The following HDAC9 variants were observed in gnomAD, a reference collection of about 807,000 sequenced individuals.
HDAC9 encodes the protein histone deacetylase 9, also known as MEF-2 interacting transcription repressor (MITR) protein.
Under a neutral mutation model 139.4 loss-of-function variants are expected in HDAC9, and 41 were observed. The observed-to-expected ratio is 0.29, with a 90% CI of 0.23 to 0.38. HDAC9 has a LOEUF of 0.38. Among genes scored for constraint, HDAC9 ranks in the 10% least tolerant of loss-of-function variants. The pLI is 1.00. For missense variants in HDAC9, 1,147 were observed against 1,297.0 expected, an observed-to-expected ratio of 0.88 and a Z score of 1.78; for synonymous variants, 517 against 476.2, an observed-to-expected ratio of 1.09 and a Z score of -1.12.
At chr7:18,365,176 A>G (rs1304047339) in intron 1 of HDAC9, among the ~76,000 whole-genome samples, 1 of 152,072 alleles carries the variant, frequency 6.6e-6, no homozygotes, top group African/African-American at 2.4e-5. Flanking sequence ...TGCTGGGAGT[A>G]AGTAGGGCAG....
chr7:18,089,611 A>G (rs961316342), intron 1 of HDAC9, among the ~76,000 whole-genome samples: 2 of 152,140 alleles, frequency 1.3e-5, no homozygotes, highest in Non-Finnish European at 2.9e-5. Flanking sequence ...TCAGATTTTT[A>G]TTAATATCTA....
chr7:18,610,268 G>A (rs1836744778), intron 6 of HDAC9, among the ~76,000 whole-genome samples: 1 of 152,110 alleles, frequency 6.6e-6, no homozygotes, highest in African/African-American at 2.4e-5. Context: ...TCATTTAAAT[G>A]AATTTTCCTA....
At chr7:18,842,105 T>C (rs191809206) in intron 21 of HDAC9, among the ~76,000 whole-genome samples, 2 of 152,282 alleles carry the variant, frequency 1.3e-5, no homozygotes, top group East Asian at 3.9e-4. Context: ...CAATGTCAAA[T>C]GATTTGGGAT....
At chr7:18,707,854 A>AGT (rs61496259) in intron 12 of HDAC9, among the ~76,000 whole-genome samples, 4,873 of 149,618 alleles carry the variant, frequency 0.033, 160 homozygotes, top group African/African-American at 0.083. Flanking sequence ...AGGGGAAAGG[A>AGT]GTGTGTGTGT....
intron 1 of HDAC9, among the ~76,000 whole-genome samples, chr7:18,482,807 T>C (rs1157180303): frequency 6.6e-6 from 1 of 152,188 alleles, no homozygotes; most frequent in East Asian, 1.9e-4. Flanking sequence ...TCCAGTGGCT[T>C]GCTGCCCTCT....
intron 2 of HDAC9, among the ~76,000 whole-genome samples, chr7:18,499,128 T>A (rs943518941): frequency 6.6e-6 from 1 of 151,904 alleles, no homozygotes; most frequent in East Asian, 1.9e-4. Flanking sequence ...CATTATGTAA[T>A]AAAGGCAAAG....
intron 21 of HDAC9, among the ~76,000 whole-genome samples, chr7:18,863,101 T>G (rs1243972647): frequency 6.6e-6 from 1 of 152,206 alleles, no homozygotes; most frequent in Non-Finnish European, 1.5e-5. Flanking sequence ...ATGTTTGCAT[T>G]TAAAGCAAAG....
In HDAC9 at chr7:18,384,370, A is replaced by G. The variant is rs151235477; in HGVS notation, c.-42+93855A>G. On this transcript the variant is annotated intron_variant, in intron 1 of 3. Transcript: ENST00000413509. ...ATGTACTAGAAGGATTAAATTGAAT[A>G]ATGCTAAAATATTTATAGTCATTTT... Among the ~76,000 whole-genome samples, 3 of 152,288 alleles carry G rather than the reference A, an allele frequency of 2.0e-5. No individual in the cohort carries two copies. The East Asian group carries it at 5.8e-4, about 29-fold the overall frequency.
chr7:18,806,930 G>A (rs1198267080), intron 17 of HDAC9, among the ~76,000 whole-genome samples: 1 of 152,128 alleles, frequency 6.6e-6, no homozygotes, highest in Non-Finnish European at 1.5e-5. Context: ...GTTTTGCAGT[G>A]TCCCGGCCTG....
At chr7:18,099,613 A>G (rs779217255) in intron 1 of HDAC9, among the ~76,000 whole-genome samples, 2 of 152,222 alleles carry the variant, frequency 1.3e-5, no homozygotes, top group Non-Finnish European at 2.9e-5. Context: ...ACCTTAACTT[A>G]TATTTTCAAA....
chr7:18,954,051 C>A (rs911180913), intron 23 of HDAC9, 95 bp from the exon 24 acceptor site: 3 of 787,224 alleles, frequency 3.8e-6, no homozygotes, highest in African/African-American at 3.6e-5. Context: ...GCAAGCTTTT[C>A]CTGAGGATTA....
chr7:18,883,686 A>G (rs1799906137), intron 22 of HDAC9, among the ~76,000 whole-genome samples: 2 of 152,136 alleles, frequency 1.3e-5, no homozygotes, highest in African/African-American at 2.4e-5. Flanking sequence ...AGTTCTATCC[A>G]GAGAAATTAG....
At chr7:18,227,759 C>T (rs1793162077) in intron 2 of HDAC9, among the ~76,000 whole-genome samples, 1 of 151,950 alleles carries the variant, frequency 6.6e-6, no homozygotes, top group African/African-American at 2.4e-5. Flanking sequence ...TATTTTTGTA[C>T]CTTTTGTGTA....
chr7:18,618,074 A>G (rs1244370323), intron 6 of HDAC9, among the ~76,000 whole-genome samples: 2 of 152,158 alleles, frequency 1.3e-5, no homozygotes, highest in African/African-American at 4.8e-5. Context: ...TTGCAATTTA[A>G]TGGGAATTGG....
intron 2 of HDAC9, among the ~76,000 whole-genome samples, chr7:18,510,781 G>A (rs1801266278): frequency 6.6e-6 from 1 of 152,040 alleles, no homozygotes; most frequent in African/African-American, 2.4e-5. Context: ...AGATGGAATG[G>A]GTGAATCAAT....
chr7:18,591,731 C>T (rs141341720), intron 5 of HDAC9, 89 bp downstream of exon 5: 191 of 1,503,762 alleles, frequency 1.3e-4, no homozygotes, highest in Non-Finnish European at 1.4e-4. Flanking sequence ...CTTAGCCTGC[C>T]ATTTCTCAGC....
intron 2 of HDAC9, among the ~76,000 whole-genome samples, chr7:18,510,515 C>CA (rs1244215924): frequency 1.6e-4 from 24 of 151,872 alleles, no homozygotes; most frequent in Non-Finnish European, 1.0e-4. Flanking sequence ...AGATAAGGGG[C>CA]AAAAATAGGT....
At chr7:18,194,611 A>G (rs1372095766) in intron 2 of HDAC9, among the ~76,000 whole-genome samples, 1 of 152,158 alleles carries the variant, frequency 6.6e-6, no homozygotes, top group Non-Finnish European at 1.5e-5. Flanking sequence ...CACTAGTAAC[A>G]CTTCTTGAAT....
intron 17 of HDAC9, among the ~76,000 whole-genome samples, chr7:18,802,029 A>G (rs578053266): frequency 6.6e-6 from 1 of 151,846 alleles, no homozygotes; most frequent in African/African-American, 2.4e-5. Context: ...TGTAGATGTC[A>G]TATATTTTAT....
Sources: gnomAD v4.1 joint callset for allele counts (sites outside exome capture counted in the v4.1 genomes callset) on GRCh38, gnomAD v4.1.1 for gene constraint, MANE v1.5 for transcripts, NCBI Gene and HGNC (gene_info 2026-07-23, HGNC 2026-07-21) for gene names.